Variants in TGFBR3 observed in about 807,000 individuals in gnomAD.
TGFBR3 encodes transforming growth factor beta receptor 3, also known as transforming growth factor beta receptor type 3.
A neutral mutation model predicts 87.9 loss-of-function variants in TGFBR3; 46 were observed. The observed-to-expected ratio is 0.52, with a 90% confidence interval of 0.41 to 0.67. The LOEUF (loss-of-function observed/expected upper bound fraction) is 0.67, where lower values mean the gene tolerates loss of function less well. Ranked by LOEUF, TGFBR3 falls within the 30% of genes least tolerant of loss-of-function variation. The probability of loss-of-function intolerance (pLI) is 0.00; values close to 1 mark genes in which losing one functional copy is unlikely to be tolerated. For missense variants in TGFBR3, 866 were observed against 1,041.9 expected (o/e 0.83, Z 2.32); for synonymous variants, 381 against 391.6 (o/e 0.97, Z 0.32).
At chr1:91,845,063 G>C (rs2101126112) in intron 2 of TGFBR3, among the ~76,000 whole-genome samples, 1 of 152,352 alleles carries the variant, frequency 6.6e-6, no homozygotes, top group African/African-American at 2.4e-5. Context: ...TCCTCAACCA[G>C]TGCATACTCT....
chr1:91,861,361 CT>C (rs1423590584), intron 2 of TGFBR3, 109 bp downstream of exon 2: 1 of 834,880 alleles, frequency 1.2e-6, no homozygotes, highest in African/African-American at 1.7e-5. Flanking sequence ...GATTATGCCT[CT>C]GCACTCCAGC....
chr1:91,716,860 G>A (rs142940405), intron 10 of TGFBR3, 152 bp from the exon 11 acceptor site: 377 of 983,788 alleles, frequency 3.8e-4, no homozygotes, highest in African/African-American at 3.4e-3. Context: ...AGGCTTTTTC[G>A]AATTATATCT....
chr1:91,736,490 A>G (rs938739443), intron 4 of TGFBR3, among the ~76,000 whole-genome samples: 1 of 128,760 alleles, frequency 7.8e-6, no homozygotes, highest in Admixed American at 9.0e-5. Flanking sequence ...AGTCACGATC[A>G]TTTCTGAATG....
chr1:91,708,701 T>G lies in TGFBR3; in HGVS notation c.2249A>C (p.Lys750Thr), dbSNP rs779512084. Residue 750 changes from lysine to threonine, a missense_variant, in exon 14 of 17, where the codon AAG (lysine) becomes ACG (threonine). Lys to Thr is a moderately conservative substitution (Grantham distance 78). Coordinates refer to ENST00000212355, the MANE Select transcript of TGFBR3 (RefSeq NM_003243.5). ...AMMQNKKTFT[K>T]PLAVIHHEAE... is the part of the protein sequence containing the mutation. ...TTCATGGTGGATCACAGCAAGGGGCTTAGTGAACGTCTTCTTATTCTGCAT... is the reference window on the plus strand; with the variant it reads ...TTCATGGTGGATCACAGCAAGGGGCGTAGTGAACGTCTTCTTATTCTGCAT... The G allele has an allele frequency of 6.2e-7, 1 of 1,614,094 alleles. No homozygotes were observed. Among genetic ancestry groups the G allele is most frequent in the Admixed American group, 1.7e-5 (1 of 60,022 alleles).
intron 5 of TGFBR3, among the ~76,000 whole-genome samples, chr1:91,730,347 C>T (rs781130375): frequency 5.9e-5 from 9 of 152,150 alleles, no homozygotes; most frequent in Middle Eastern, 3.2e-3. Flanking sequence ...AACACCCAGG[C>T]GGGGCCTAGG....
At chr1:91,813,145 T>C (rs1252316712) in intron 2 of TGFBR3, among the ~76,000 whole-genome samples, 1 of 152,220 alleles carries the variant, frequency 6.6e-6, no homozygotes, top group African/African-American at 2.4e-5. Flanking sequence ...TAAAACGTTC[T>C]GACTTCCTTC....
At chr1:91,741,351 G>A (rs993843764) in intron 4 of TGFBR3, among the ~76,000 whole-genome samples, 1 of 151,996 alleles carries the variant, frequency 6.6e-6, no homozygotes, top group African/African-American at 2.4e-5. Flanking sequence ...ACGGGGAAGG[G>A]GTGAGGAGCT....
At position 91,732,180 on chromosome 1, in the gene TGFBR3, C is replaced by G. The variant is rs796521879; in HGVS notation, c.569-2207G>C. On this transcript the variant is annotated intron_variant, in intron 5 of 16. Transcript: ENST00000212355. ...AACCTGGGGGGTAATGCAAACACCTCATTTTCCTGCTGTGGAAACTGAGGC... is the reference window on the plus strand; with the variant it reads ...AACCTGGGGGGTAATGCAAACACCTGATTTTCCTGCTGTGGAAACTGAGGC... Among the ~76,000 whole-genome samples the G allele has an allele frequency of 3.9e-5, 6 of 152,282 alleles. 1 individual carries two copies. The highest frequency in any genetic ancestry group is 1.4e-4 in the African/African-American group (6 of 41,564).
chr1:91,750,941 G>A (rs143216146), intron 4 of TGFBR3, among the ~76,000 whole-genome samples: 9 of 152,192 alleles, frequency 5.9e-5, no homozygotes, highest in African/African-American at 9.6e-5. Context: ...ATTATTTAGC[G>A]TAATAGTACT....
intron 1 of TGFBR3, among the ~76,000 whole-genome samples, chr1:91,865,202 C>CA (rs67134125): frequency 9.4e-4 from 99 of 105,244 alleles, no homozygotes; most frequent in African/African-American, 3.2e-3. Context: ...GACTCCATCT[C>CA]AAAAAAAAAA....
chr1:91,862,843 C>A (rs1678250528), intron 1 of TGFBR3, among the ~76,000 whole-genome samples: 1 of 152,194 alleles, frequency 6.6e-6, no homozygotes, highest in Non-Finnish European at 1.5e-5. Context: ...AGCCATCTCA[C>A]ACACCTGGGG....
At chr1:91,726,654 G>T (rs1163803177) in intron 7 of TGFBR3, among the ~76,000 whole-genome samples, 2 of 151,910 alleles carry the variant, frequency 1.3e-5, no homozygotes, top group Non-Finnish European at 2.9e-5. Context: ...TGTTGGCTTT[G>T]CTCACTGTGG....
intron 14 of TGFBR3, among the ~76,000 whole-genome samples, chr1:91,702,531 C>T (rs546598399): frequency 6.6e-6 from 1 of 152,174 alleles, no homozygotes; most frequent in Non-Finnish European, 1.5e-5. Flanking sequence ...ATGACCTAAT[C>T]ATCAGTTTCC....
At chr1:91,759,474 C>T (rs1247607089) in intron 3 of TGFBR3, among the ~76,000 whole-genome samples, 1 of 150,610 alleles carries the variant, frequency 6.6e-6, no homozygotes, top group Non-Finnish European at 1.5e-5. Context: ...AGGACTATTG[C>T]AGGTCATCAC....
chr1:91,781,828 A>G lies in TGFBR3; in HGVS notation c.246+15459T>C, dbSNP rs79638705. ...TGGCCTTTTTATTTTAAATGCAAAT[A>G]GGAGAGCTGAATCAAGAAAAAGTAA... On this transcript the variant is annotated intron_variant, in intron 3 of 16. Transcript: ENST00000212355. Among the ~76,000 whole-genome samples, 610 of 152,306 alleles carry G rather than the reference A, an allele frequency of 4.0e-3. 5 individuals carry two copies. Among genetic ancestry groups the G allele is most frequent in the African/African-American group, 0.014 (593 of 41,574 alleles).
chr1:91,723,263 C>T (rs908124969), intron 7 of TGFBR3, among the ~76,000 whole-genome samples: 9 of 151,966 alleles, frequency 5.9e-5, no homozygotes, highest in African/African-American at 2.2e-4. Flanking sequence ...GGAAGGACTG[C>T]TTGAGCCCAA....
chr1:91,801,772 T>G (rs1407466202), intron 2 of TGFBR3, among the ~76,000 whole-genome samples: 2 of 152,076 alleles, frequency 1.3e-5, no homozygotes, highest in African/African-American at 4.8e-5. Flanking sequence ...TTAAGAAACC[T>G]TCCTCAAAAA....
chr1:91,682,287 C>T lies in TGFBR3; in HGVS notation c.*1452G>A. 1 of 453,350 alleles carries T rather than the reference C, an allele frequency of 2.2e-6. No homozygotes were observed. The highest frequency in any genetic ancestry group is 4.4e-6 in the Non-Finnish European group (1 of 226,710). 28.1% of individuals were successfully genotyped at this position (453,350 alleles called of 1,614,324 possible). A position where few individuals can be genotyped will look rare whatever the true frequency, so the allele number is the denominator to read the frequency against. On this transcript the variant is annotated 3_prime_UTR_variant, in exon 17 of 17. Coordinates refer to ENST00000212355, the MANE Select transcript of TGFBR3 (RefSeq NM_003243.5). The stretch of plus-strand genomic sequence containing the variant: ...TGAATATTTTGGGGGTAGAATCTAT[C>T]TTGTTCTACTTATGGAATTCTAAGT...
intron 3 of TGFBR3, among the ~76,000 whole-genome samples, chr1:91,761,290 G>C (rs1673953562): frequency 6.6e-6 from 1 of 152,212 alleles, no homozygotes; most frequent in Admixed American, 6.5e-5. Flanking sequence ...AAATTTTCCA[G>C]ATGGTCAAAA....
Sources: allele counts gnomAD v4.1 joint callset (sites outside exome capture counted in the v4.1 genomes callset), GRCh38; gene constraint gnomAD v4.1.1; transcripts MANE v1.5; gene names NCBI Gene and HGNC (gene_info 2026-07-23, HGNC 2026-07-21).